HPS6: variants seen among roughly 807,000 people sequenced by gnomAD.
HPS6 encodes the protein BLOC-2 complex member HPS6.
HPS6 carries 46 observed loss-of-function variants against 53.6 expected under a neutral mutation model. The observed-to-expected ratio is 0.86, with a 90% confidence interval of 0.68 to 1.10. The LOEUF (loss-of-function observed/expected upper bound fraction) is 1.10. Among genes scored for constraint, HPS6 ranks in the 50% least tolerant of loss-of-function variants. The pLI is 0.00. For synonymous variants in HPS6, 535 were observed against 470.8 expected (o/e 1.14, Z -1.77); for missense variants, 1,034 against 991.3 (o/e 1.04, Z -0.58).
Position 102,067,516 on chromosome 10 carries a change from A to G in HPS6, c.2042A>G (p.His681Arg). 6.2e-7 allele frequency: 1 copy of G among 1,613,672 alleles called. No individual in the cohort carries two copies. The highest frequency in any genetic ancestry group is 1.3e-5 in the African/African-American group (1 of 75,024). ...CTGCTGCTGGCCGAGTTTGCCCAGCACCGCCGGCTTGATGCTCACCTCCCC... is the reference window on the plus strand; with the variant it reads ...CTGCTGCTGGCCGAGTTTGCCCAGCGCCGCCGGCTTGATGCTCACCTCCCC... ...FKLLLAEFAQ[H>R]RRLDAHLPLL... Residue 681 changes from histidine to arginine, a missense_variant, in exon 1 of 1, where the codon CAC becomes CGC. Transcript: ENST00000299238.
At position 102,067,400 on chromosome 10, in the gene HPS6, G is replaced by A; in HGVS notation, c.1926G>A (p.Gln642=). The part of the protein sequence containing the change: ...RPKAVLQAVG[Q]LVQKEQWDRA... ...AAGCTGTGCTCCAAGCTGTCGGGCA[G>A]CTGGTGCAAAAGGAACAATGGGATC... The change falls in exon 1 of 1, where the codon CAG becomes CAA. Residue 642 remains glutamine, a synonymous_variant. Transcript: ENST00000299238. 4.3e-6 allele frequency: 7 copies of A among 1,612,946 alleles called. No homozygotes were observed. In the Admixed American group the frequency reaches 5.0e-5, roughly 12 times the overall value.
Position 102,065,682 on chromosome 10 carries a change from G to T in HPS6, c.208G>T (p.Ala70Ser). The stretch of plus-strand genomic sequence containing the variant: ...AGGGCCCGGCGCGGAGCTAGAGCGG[G>T]CCTGGCCGGCCGGCCAGCCCTCCCC... ...SRGPGAELER[A>S]WPAGQPSPLD... Residue 70 changes from alanine to serine, a missense_variant, in exon 1 of 1, where the codon GCC becomes TCC. Coordinates refer to ENST00000299238, the MANE Select transcript of HPS6 (RefSeq NM_024747.6). The T allele has an allele frequency of 6.6e-7, 1 of 1,522,570 alleles. No homozygotes were observed. Among genetic ancestry groups the T allele is most frequent in the Non-Finnish European group, 8.7e-7 (1 of 1,144,812 alleles). 94.3% of individuals were successfully genotyped at this position (1,522,570 alleles called of 1,614,324 possible). A position where few individuals can be genotyped will look rare whatever the true frequency, so the allele number is the denominator to read the frequency against.
rs764297432 is a variant in HPS6, at chr10:102,066,184, A to G, written c.710A>G (p.Tyr237Cys). ...MVAAPRLGLS[Y>C]SKSLNPGRGD... ...GCTGCCCCACGGCTTGGTCTCTCCTACAGTAAGAGTCTGAATCCTGGACGA... is the reference window on the plus strand; with the variant it reads ...GCTGCCCCACGGCTTGGTCTCTCCTGCAGTAAGAGTCTGAATCCTGGACGA... The change falls in exon 1 of 1, where the codon TAC (tyrosine) becomes TGC (cysteine). Residue 237 changes from tyrosine to cysteine, a missense_variant. Transcript: ENST00000299238. 20 of 1,613,728 alleles carry G rather than the reference A, an allele frequency of 1.2e-5. No individual in the cohort carries two copies. The South Asian group carries it at 2.2e-4, about 18-fold the overall frequency.
chr10:102,066,562 TGGA>T lies in HPS6; in HGVS notation c.1092_1094del (p.Glu364del). 6.2e-7 allele frequency: 1 copy of T among 1,614,154 alleles called. No homozygotes were observed. The highest frequency in any genetic ancestry group is 8.5e-7 in the Non-Finnish European group (1 of 1,180,044). ...CTGCTAGAACCGCCAGCCCCCGGCA[TGGA>T]GGATGAGGAAGAGCTGGAGACCCGA... is the stretch of plus-strand genomic sequence containing the variant. On this transcript the variant is annotated inframe_deletion, in exon 1 of 1. Coordinates refer to ENST00000299238, the MANE Select transcript of HPS6 (RefSeq NM_024747.6).
In HPS6 at chr10:102,067,748, G is replaced by A; in HGVS notation, c.2274G>A (p.Glu758=). 1.9e-6 allele frequency: 3 copies of A among 1,613,166 alleles called. No homozygotes were observed. Among genetic ancestry groups the A allele is most frequent in the Non-Finnish European group, 2.5e-6 (3 of 1,180,024 alleles). The change falls in exon 1 of 1, where the codon GAG becomes GAA. Residue 758 remains glutamate, a synonymous_variant. Coordinates refer to ENST00000299238, the MANE Select transcript of HPS6 (RefSeq NM_024747.6). Reference sequence around the variant, plus strand: ...CGGGCCCAGTTCTAAGCCCATATGAGGACATCCTATGGGACCCCAGCACTC... The same window carrying A: ...CGGGCCCAGTTCTAAGCCCATATGAAGACATCCTATGGGACCCCAGCACTC... ...WLSGPVLSPY[E]DILWDPSTPP... is the part of the protein sequence containing the mutation.
chr10:102,066,145 G>A lies in HPS6; in HGVS notation c.671G>A (p.Gly224Asp), dbSNP rs1468977329. Reference protein sequence around the residue: ...HVLLIWSPGKGKVMVAAPRLG... With the variant: ...HVLLIWSPGKDKVMVAAPRLG... ...CTACTCATCTGGAGCCCAGGCAAGG[G>A]CAAAGTGATGGTGGCTGCCCCACGG... The change falls in exon 1 of 1, where the codon GGC becomes GAC. Residue 224 changes from glycine to aspartate, a missense_variant. Physicochemically the swap from Gly to Asp is moderately conservative, Grantham distance 94. Transcript: ENST00000299238. 6.2e-7 allele frequency: 1 copy of A among 1,613,722 alleles called. No homozygotes were observed. Among genetic ancestry groups the A allele is most frequent in the Non-Finnish European group, 8.5e-7 (1 of 1,180,052 alleles).
Position 102,066,832 on chromosome 10 carries a change from C to A in HPS6, c.1358C>A (p.Thr453Asn), listed in dbSNP as rs531550046. 6.2e-7 allele frequency: 1 copy of A among 1,614,214 alleles called. No individual in the cohort carries two copies. The highest frequency in any genetic ancestry group is 1.1e-5 in the South Asian group (1 of 91,080). The change falls in exon 1 of 1, where the codon ACC becomes AAC. Residue 453 changes from threonine to asparagine, a missense_variant. Thr to Asn is a moderately conservative substitution (Grantham distance 65). Coordinates refer to ENST00000299238, the MANE Select transcript of HPS6 (RefSeq NM_024747.6). The stretch of plus-strand genomic sequence containing the variant: ...CACCTGCCCCCATCTGCACTGCTGA[C>A]CATGTTGAGGACCGAGCTTCGGGAT... ...QGHLPPSALL[T>N]MLRTELRDYR...
In HPS6 at chr10:102,066,845, C is replaced by A; in HGVS notation, c.1371C>A (p.Thr457=). ...CTGCACTGCTGACCATGTTGAGGAC[C>A]GAGCTTCGGGATTACCGAGGCTTAG... ...PPSALLTMLR[T]ELRDYRGLEQ... The change falls in exon 1 of 1, where the codon ACC becomes ACA. Residue 457 remains threonine, a synonymous_variant. Transcript: ENST00000299238. 1 of 1,614,170 alleles carries A rather than the reference C, an allele frequency of 6.2e-7. No individual in the cohort carries two copies. Among genetic ancestry groups the A allele is most frequent in the Non-Finnish European group, 8.5e-7 (1 of 1,180,028 alleles).
In HPS6 at chr10:102,067,724, G is replaced by T. The variant is rs139161525; in HGVS notation, c.2250G>T (p.Ser750=). ...LEQTGAQGWL[S]GPVLSPYEDI... ...AGACTGGGGCTCAAGGATGGCTGTC[G>T]GGCCCAGTTCTAAGCCCATATGAGG... is the stretch of plus-strand genomic sequence containing the variant. The change falls in exon 1 of 1, where the codon TCG becomes TCT. Residue 750 remains serine, a synonymous_variant. Transcript: ENST00000299238. 6.2e-7 allele frequency: 1 copy of T among 1,613,258 alleles called. No homozygotes were observed. Among genetic ancestry groups the T allele is most frequent in the South Asian group, 1.1e-5 (1 of 91,084 alleles).
chr10:102,065,409 C>T lies in HPS6; in HGVS notation c.-66C>T. ...GGCCCTGCTCCGCTCCCCCGAGAAT[C>T]GGGCCTCGCCCTGCTGGGCGGCTGG... On this transcript the variant is annotated 5_prime_UTR_variant, in exon 1 of 1. Coordinates refer to ENST00000299238, the MANE Select transcript of HPS6 (RefSeq NM_024747.6). The T allele has an allele frequency of 6.8e-7, 1 of 1,466,030 alleles. No homozygotes were observed. Among genetic ancestry groups the T allele is most frequent in the Non-Finnish European group, 9.0e-7 (1 of 1,106,768 alleles). 90.8% of individuals were successfully genotyped at this position (1,466,030 alleles called of 1,614,324 possible). A position where few individuals can be genotyped will look rare whatever the true frequency, so the allele number is the denominator to read the frequency against.
In HPS6 at chr10:102,066,043, C is replaced by T. The variant is rs2136334099; in HGVS notation, c.569C>T (p.Ala190Val). The T allele has an allele frequency of 3.1e-6, 5 of 1,609,188 alleles. No individual in the cohort carries two copies. Among genetic ancestry groups the T allele is most frequent in the East Asian group, 2.2e-5 (1 of 44,878 alleles). The part of the protein sequence containing the change: ...RTHVLLHHCP[A>V]FGLLASCRQL... ...CACGTCCTGCTGCACCACTGCCCTGCCTTCGGGCTGCTGGCCTCCTGCAGA... is the reference window on the plus strand; with the variant it reads ...CACGTCCTGCTGCACCACTGCCCTGTCTTCGGGCTGCTGGCCTCCTGCAGA... The change falls in exon 1 of 1, where the codon GCC becomes GTC. Residue 190 changes from alanine (A) to valine (V), a missense_variant. Ala to Val is a moderately conservative substitution (Grantham distance 64, BLOSUM62 0). Transcript: ENST00000299238.
chr10:102,065,353 G>A lies in HPS6; in HGVS notation c.-122G>A. 2 of 1,036,616 alleles carry A rather than the reference G, an allele frequency of 1.9e-6. No homozygotes were observed. The highest frequency in any genetic ancestry group is 2.7e-6 in the Non-Finnish European group (2 of 751,630). 64.2% of individuals were successfully genotyped at this position (1,036,616 alleles called of 1,614,324 possible). ...GGAGTCGACGCTCGGCCCGGCCTCT[G>A]CTCACCTCATCCACGGGAGACGGAA... is the stretch of plus-strand genomic sequence containing the variant. On this transcript the variant is annotated 5_prime_UTR_variant, in exon 1 of 1. Coordinates refer to ENST00000299238, the MANE Select transcript of HPS6 (RefSeq NM_024747.6).
In HPS6 at chr10:102,065,857, T is replaced by C. The variant is rs1259922446; in HGVS notation, c.383T>C (p.Val128Ala). ...TELCPGGGARVVAVAALRGRL... is the reference protein window; with the variant it reads ...TELCPGGGARAVAVAALRGRL... ...CTGTGTCCGGGCGGGGGAGCCCGCG[T>C]TGTGGCAGTGGCGGCGCTCCGAGGC... Residue 128 changes from valine (V) to alanine (A), a missense_variant, in exon 1 of 1, where the codon GTT (valine) becomes GCT (alanine). By Grantham distance (64) the Val-to-Ala change is moderately conservative (BLOSUM62 0). Coordinates refer to ENST00000299238, the MANE Select transcript of HPS6 (RefSeq NM_024747.6). The C allele has an allele frequency of 1.3e-5, 20 of 1,524,974 alleles. No individual in the cohort carries two copies. The highest frequency in any genetic ancestry group is 1.7e-5 in the Non-Finnish European group (19 of 1,142,046). 94.5% of individuals were successfully genotyped at this position (1,524,974 alleles called of 1,614,324 possible). A position where few individuals can be genotyped will look rare whatever the true frequency, so the allele number is the denominator to read the frequency against.
At position 102,066,951 on chromosome 10, in the gene HPS6, C is replaced by T. The variant is rs1427398646; in HGVS notation, c.1477C>T (p.Leu493=). The part of the protein sequence containing the change: ...TELAEQEVAR[L]LRTELIGDQL... ...GCTGGCGGAGCAGGAAGTGGCACGC[C>T]TGCTGAGGACTGAGTTGATAGGAGA... Residue 493 remains leucine, a synonymous_variant, in exon 1 of 1, where the codon CTG becomes TTG. Transcript: ENST00000299238. 8.7e-6 allele frequency: 14 copies of T among 1,614,036 alleles called. No individual in the cohort carries two copies. Among genetic ancestry groups the T allele is most frequent in the Non-Finnish European group, 1.1e-5 (13 of 1,180,028 alleles).
Position 102,066,484 on chromosome 10 carries a change from TG to T in HPS6, c.1013del (p.Gly338AlafsTer11). 6.2e-7 allele frequency: 1 copy of T among 1,614,138 alleles called. No homozygotes were observed. On this transcript the variant is annotated frameshift_variant, in exon 1 of 1. Coordinates refer to ENST00000299238, the MANE Select transcript of HPS6 (RefSeq NM_024747.6). LOFTEE classifies it high-confidence loss of function. ...VLGSTLELLD[M>X]GSGQLLERKV... ...GGCTCCACATTGGAACTGCTGGACA[TG>T]GGCAGTGGGCAGCTGCTGGAGAGGA...
In HPS6 at chr10:102,067,608, C is replaced by G. The variant is rs754843984; in HGVS notation, c.2134C>G (p.Leu712Val). 1 of 1,613,788 alleles carries G rather than the reference C, an allele frequency of 6.2e-7. No individual in the cohort carries two copies. Among genetic ancestry groups the G allele is most frequent in the African/African-American group, 1.3e-5 (1 of 74,928 alleles). The change falls in exon 1 of 1, where the codon CTC (leucine) becomes GTC (valine). Residue 712 changes from leucine to valine, a missense_variant. Leu to Val is a conservative substitution (Grantham distance 32, BLOSUM62 1). Transcript: ENST00000299238. ...GCTCCTGCTTCTACTGAGGACATAC[C>G]TCCCAGATGAGGTGGGGCCCCCAAC... ...AELLLLLRTY[L>V]PDEVGPPTPF...
In HPS6 at chr10:102,067,369, G is replaced by A. The variant is rs774506838; in HGVS notation, c.1895G>A (p.Arg632Gln). 6.2e-6 allele frequency: 10 copies of A among 1,612,776 alleles called. No homozygotes were observed. Among genetic ancestry groups the A allele is most frequent in the East Asian group, 4.5e-5 (2 of 44,892 alleles). The change falls in exon 1 of 1, where the codon CGG becomes CAG. Residue 632 changes from arginine to glutamine, a missense_variant. By Grantham distance (43) the Arg-to-Gln change is conservative (BLOSUM62 1). Coordinates refer to ENST00000299238, the MANE Select transcript of HPS6 (RefSeq NM_024747.6). The part of the protein sequence containing the change: ...LELELLLSSG[R>Q]PKAVLQAVGQ... The stretch of plus-strand genomic sequence containing the variant: ...CTAGAGCTGCTCTTGAGCAGTGGGC[G>A]GCCTAAAGCTGTGCTCCAAGCTGTC...
Position 102,065,826 on chromosome 10 carries a change from A to G in HPS6, c.352A>G (p.Thr118Ala). The G allele has an allele frequency of 6.6e-7, 1 of 1,515,112 alleles. No individual in the cohort carries two copies. Among genetic ancestry groups the G allele is most frequent in the South Asian group, 1.2e-5 (1 of 80,484 alleles). 93.9% of individuals were successfully genotyped at this position (1,515,112 alleles called of 1,614,324 possible). A position where few individuals can be genotyped will look rare whatever the true frequency, so the allele number is the denominator to read the frequency against. Residue 118 changes from threonine (T) to alanine (A), a missense_variant, in exon 1 of 1, where the codon ACC (threonine) becomes GCC (alanine). Transcript: ENST00000299238. ...VGPGWRPLQS[T>A]ELCPGGGARV... ...GCCTGGCTGGCGGCCGCTGCAGAGC[A>G]CCGAGCTGTGTCCGGGCGGGGGAGC...
In HPS6 at chr10:102,067,058, G is replaced by A; in HGVS notation, c.1584G>A (p.Gln528=). The A allele has an allele frequency of 6.2e-7, 1 of 1,614,192 alleles. No homozygotes were observed. Among genetic ancestry groups the A allele is most frequent in the Admixed American group, 1.7e-5 (1 of 60,024 alleles). ...CCACCCTCAGGGCCCTGCAGCTCCA[G>A]CTAGATGGGAATGGCAAGCTGAGGT... The part of the protein sequence containing the change: ...WGATLRALQL[Q]LDGNGKLRSQ... Residue 528 remains glutamine, a synonymous_variant, in exon 1 of 1, where the codon CAG becomes CAA. Coordinates refer to ENST00000299238, the MANE Select transcript of HPS6 (RefSeq NM_024747.6).
Sources: gnomAD v4.1 joint callset for allele counts on GRCh38, gnomAD v4.1.1 for gene constraint, MANE v1.5 for transcripts, NCBI Gene and HGNC (gene_info 2026-07-23, HGNC 2026-07-21) for gene names.